KCNV2: variants seen among roughly 807,000 people sequenced by gnomAD.
KCNV2 encodes potassium voltage-gated channel subfamily V member 2.
Under a neutral mutation model 37.0 loss-of-function variants are expected in KCNV2, and 65 were observed. That is an observed-to-expected ratio of 1.76 (90% confidence interval 1.44 to 2.16). KCNV2 has a LOEUF of 2.16. Ranked by LOEUF, KCNV2 falls within the 30% of genes most tolerant of loss-of-function variation. The pLI is 0.00. For missense variants in KCNV2, 1,232 were observed against 766.7 expected, an observed-to-expected ratio of 1.61 and a Z score of -7.17; for synonymous variants, 518 against 328.6, an observed-to-expected ratio of 1.58 and a Z score of -6.23.
At chr9:2,729,404 T>A in intron 1 of KCNV2, 42 bp from the exon 2 acceptor site, 1 of 1,610,258 alleles carries the variant, frequency 6.2e-7, no homozygotes, top group African/African-American at 1.3e-5. Context: ...TCCTCCCCGA[T>A]CTTAGTGCTA....
rs769715394 is a variant in KCNV2 at position 2,718,948 on chromosome 9, G to A, written c.1209G>A (p.Thr403=). 2 of 1,609,994 alleles carry A rather than the reference G, an allele frequency of 1.2e-6. No individual in the cohort carries two copies. Among genetic ancestry groups the A allele is most frequent in the East Asian group, 2.2e-5 (1 of 44,878 alleles). Residue 403 remains threonine, a synonymous_variant, in exon 1 of 2, where the codon ACG becomes ACA. Transcript: ENST00000382082. ...CCGGACTGCGTGCCTTCGGCTTCAC[G>A]CTGCGCCAGTGCTACCAGCAGGTGG... is the stretch of plus-strand genomic sequence containing the variant. ...HSTGLRAFGF[T]LRQCYQQVGC...
chr9:2,728,217 C>T (rs771398714), intron 1 of KCNV2, among the ~76,000 whole-genome samples: 5 of 152,188 alleles, frequency 3.3e-5, no homozygotes, highest in Non-Finnish European at 7.3e-5. Flanking sequence ...AAGCTAACGG[C>T]CACCTCAGCA....
At chr9:2,725,213 G>A (rs1219200296) in intron 1 of KCNV2, among the ~76,000 whole-genome samples, 1 of 152,144 alleles carries the variant, frequency 6.6e-6, no homozygotes, top group Admixed American at 6.5e-5. Context: ...CTTTAGCTGT[G>A]CACACCTACC....
At chr9:2,727,061 C>G (rs1819980271) in intron 1 of KCNV2, among the ~76,000 whole-genome samples, 1 of 152,138 alleles carries the variant, frequency 6.6e-6, no homozygotes, top group African/African-American at 2.4e-5. Flanking sequence ...CTTCCTGTCA[C>G]TCACTCCTAA....
chr9:2,723,248 T>G (rs182170963), intron 1 of KCNV2, among the ~76,000 whole-genome samples: 197 of 152,332 alleles, frequency 1.3e-3, no homozygotes, highest in Admixed American at 0.012. Flanking sequence ...TCTGGGGCTG[T>G]ATCCTTTGTG....
intron 1 of KCNV2, among the ~76,000 whole-genome samples, chr9:2,725,128 G>A (rs1819947743): frequency 6.6e-6 from 1 of 152,108 alleles, no homozygotes; most frequent in Non-Finnish European, 1.5e-5. Flanking sequence ...GGAAGCTGAG[G>A]GTGTGGACAG....
At position 2,719,096 on chromosome 9, in the gene KCNV2, G is replaced by T; in HGVS notation, c.1356+1G>T. On this transcript the variant is annotated splice_donor_variant, in intron 1 of 1. Transcript: ENST00000382082. LOFTEE classifies it high-confidence loss of function. ...CCCCCACTCCTGGTGGTGGGCCGCG[G>T]TGAGTACCTTTGCCCTGGGCTTTCC... The T allele has an allele frequency of 6.2e-7, 1 of 1,608,412 alleles. No homozygotes were observed.
intron 1 of KCNV2, among the ~76,000 whole-genome samples, chr9:2,722,308 GTTAT>G (rs1259357165): frequency 8.1e-6 from 1 of 123,224 alleles, no homozygotes; most frequent in African/African-American, 3.8e-5. Flanking sequence ...TAAATTAGAA[GTTAT>G]TTATAAATAA....
intron 1 of KCNV2, among the ~76,000 whole-genome samples, chr9:2,722,543 G>T (rs891257646): frequency 3.0e-5 from 4 of 134,240 alleles, no homozygotes; most frequent in African/African-American, 6.2e-5. Flanking sequence ...AAATAAATTA[G>T]AAGTTATTTA....
chr9:2,722,568 G>GTTAT (rs887922350), intron 1 of KCNV2, among the ~76,000 whole-genome samples: 1 of 143,050 alleles, frequency 7.0e-6, no homozygotes, highest in Non-Finnish European at 1.5e-5. Context: ...TAAATTAGAA[G>GTTAT]TTATTTATTT....
At chr9:2,722,568 G>GTTATTTATTTATAAATTAGAAGTTAT (rs1819898467) in intron 1 of KCNV2, among the ~76,000 whole-genome samples, 2 of 143,050 alleles carry the variant, frequency 1.4e-5, no homozygotes. Flanking sequence ...TAAATTAGAA[G>GTTATTTATTTATAAATTAGAAGTTAT]TTATTTATTT....
chr9:2,724,979 G>T (rs957220752), intron 1 of KCNV2, among the ~76,000 whole-genome samples: 1 of 152,192 alleles, frequency 6.6e-6, no homozygotes, highest in Non-Finnish European at 1.5e-5. Context: ...AGGCTCTTAG[G>T]CATTGTTACT....
rs1041090491 is a variant in KCNV2, at chr9:2,729,443, C to T, written c.1357-3C>T. ...ATTCCATCCTGCTTTCCTTCCTCTA[C>T]AGGTGAGCATCTCCACCGTGGGCTA... On this transcript the variant is annotated splice_polypyrimidine_tract_variant and splice_region_variant and intron_variant, in intron 1 of 1. Transcript: ENST00000382082. 1.2e-6 allele frequency: 2 copies of T among 1,613,182 alleles called. No homozygotes were observed. The highest frequency in any genetic ancestry group is 1.3e-5 in the African/African-American group (1 of 74,904).
Position 2,718,798 on chromosome 9 carries a change from G to A in KCNV2, c.1059G>A (p.Glu353=), listed in dbSNP as rs753695734. The change falls in exon 1 of 2, where the codon GAG becomes GAA. Residue 353 remains glutamate (E), a synonymous_variant. Coordinates refer to ENST00000382082, the MANE Select transcript of KCNV2 (RefSeq NM_133497.4). ...ILPLYLQLLL[E]CFTGEGHQRG... ...CGCTCTACCTTCAGCTGCTGCTCGA[G>A]TGCTTCACGGGCGAGGGCCACCAAC... 8 of 1,610,540 alleles carry A rather than the reference G, an allele frequency of 5.0e-6. No homozygotes were observed. Among genetic ancestry groups the A allele is most frequent in the Non-Finnish European group, 6.8e-6 (8 of 1,179,918 alleles).
chr9:2,727,473 T>G (rs1299229797), intron 1 of KCNV2, among the ~76,000 whole-genome samples: 11 of 152,170 alleles, frequency 7.2e-5, no homozygotes, highest in Admixed American at 7.2e-4. Context: ...ACTTTGAGAT[T>G]AACCCACAAT....
intron 1 of KCNV2, among the ~76,000 whole-genome samples, chr9:2,724,983 T>C (rs1392683679): frequency 1.3e-5 from 2 of 152,198 alleles, no homozygotes; most frequent in African/African-American, 4.8e-5. Flanking sequence ...TCTTAGGCAT[T>C]GTTACTACTT....
In KCNV2 at chr9:2,718,117, G is replaced by A; in HGVS notation, c.378G>A (p.Leu126=). 1.2e-6 allele frequency: 2 copies of A among 1,602,198 alleles called. No individual in the cohort carries two copies. The highest frequency in any genetic ancestry group is 1.1e-5 in the South Asian group (1 of 89,892). Residue 126 remains leucine (L), a synonymous_variant, in exon 1 of 2, where the codon CTG becomes CTA. Coordinates refer to ENST00000382082, the MANE Select transcript of KCNV2 (RefSeq NM_133497.4). ...AGFPKTRLGR[L]ATSTSRSRQL... is the part of the protein sequence containing the mutation. The stretch of plus-strand genomic sequence containing the variant: ...TCCCCAAGACGCGCCTAGGTCGCCT[G>A]GCCACCTCCACCAGCCGCAGCCGCC...
chr9:2,721,134 T>G (rs1454282027), intron 1 of KCNV2, among the ~76,000 whole-genome samples: 1 of 152,222 alleles, frequency 6.6e-6, no homozygotes, highest in African/African-American at 2.4e-5. Context: ...TTGAAGCCAT[T>G]ATCTCTATCA....
rs1465751715 is a variant in KCNV2 at position 2,718,510 on chromosome 9, G to A, written c.771G>A (p.Val257=). ...WNLMEKPFSS[V]AAKAIGVASS... is the part of the protein sequence containing the mutation. ...TCATGGAGAAGCCATTCTCCTCGGTGGCCGCCAAGGCCATCGGGGTGGCCT... is the reference window on the plus strand; with the variant it reads ...TCATGGAGAAGCCATTCTCCTCGGTAGCCGCCAAGGCCATCGGGGTGGCCT... The change falls in exon 1 of 2, where the codon GTG becomes GTA. Residue 257 remains valine, a synonymous_variant. Coordinates refer to ENST00000382082, the MANE Select transcript of KCNV2 (RefSeq NM_133497.4). The A allele has an allele frequency of 6.2e-7, 1 of 1,610,810 alleles. No homozygotes were observed.
Sources: allele counts gnomAD v4.1 joint callset (sites outside exome capture counted in the v4.1 genomes callset), GRCh38; gene constraint gnomAD v4.1.1; transcripts MANE v1.5; gene names NCBI Gene and HGNC (gene_info 2026-07-23, HGNC 2026-07-21).